Variants in SLC10A7 observed in about 807,000 individuals in gnomAD.
The protein encoded by SLC10A7 is solute carrier family 10 member 7.
Under a neutral mutation model 43.2 loss-of-function variants are expected in SLC10A7, and 29 were observed. That is an observed-to-expected ratio of 0.67 (90% CI 0.50 to 0.92). SLC10A7 has a LOEUF of 0.92. Among genes scored for constraint, SLC10A7 ranks in the 40% least tolerant of loss-of-function variants. The pLI, the probability that SLC10A7 is intolerant of heterozygous loss-of-function variation, is 0.00. For synonymous variants in SLC10A7, 152 were observed against 144.8 expected (o/e 1.05, Z -0.35); for missense variants, 295 against 403.2 (o/e 0.73, Z 2.30).
chr4:146,444,328 A>G lies in SLC10A7; in HGVS notation c.397-1507T>C, dbSNP rs201307052. ...TAAAGGAAGGAGGTCTTCCCCTTTG[A>G]GCCTGTCTCTTCTGAATTCATTTCT... On this transcript the variant is annotated intron_variant, in intron 4 of 11. Coordinates refer to ENST00000335472, the MANE Select transcript of SLC10A7 (RefSeq NM_001029998.6). Among the ~76,000 whole-genome samples the G allele has an allele frequency of 1.4e-4, 21 of 152,264 alleles. No homozygotes were observed. In the East Asian group the frequency reaches 3.3e-3, roughly 24 times the overall value.
intron 5 of SLC10A7, among the ~76,000 whole-genome samples, chr4:146,434,945 G>A (rs1730095687): frequency 6.6e-6 from 1 of 152,038 alleles, no homozygotes; most frequent in African/African-American, 2.4e-5. Context: ...GGATGTCTGT[G>A]GAATCACACT....
At chr4:146,439,496 C>A (rs1730442536) in intron 5 of SLC10A7, among the ~76,000 whole-genome samples, 1 of 151,984 alleles carries the variant, frequency 6.6e-6, no homozygotes, top group South Asian at 2.1e-4. Flanking sequence ...AGAGAATAAT[C>A]ATTGGATCAG....
At position 146,495,766 on chromosome 4, in the gene SLC10A7, AACACACACACACAC is replaced by A. The variant is rs57202992; in HGVS notation, c.396+8069_396+8082del. Among the ~76,000 whole-genome samples, 187 of 139,626 alleles carry A rather than the reference AACACACACACACAC, an allele frequency of 1.3e-3. 1 individual carries two copies. The highest frequency in any genetic ancestry group is 7.1e-3 in the Middle Eastern group (2 of 280). The allele number at this position is 139,626 out of a possible 152,430, so 91.6% of individuals were successfully genotyped here. On this transcript the variant is annotated intron_variant, in intron 4 of 11. Coordinates refer to ENST00000335472, the MANE Select transcript of SLC10A7 (RefSeq NM_001029998.6). ...AGCACCAGCCCCGTTGATGAAAGTAAACACACACACACACACACACACACACACACACACACACA... is the reference window on the plus strand; with the variant it reads ...AGCACCAGCCCCGTTGATGAAAGTAAACACACACACACACACACACACACA...
chr4:146,256,876 G>A, intron 11 of SLC10A7: 1 of 1,536,354 alleles, frequency 6.5e-7, no homozygotes, highest in Non-Finnish European at 8.7e-7. Context: ...TTGATGGATA[G>A]ATATTCCAAG....
At chr4:146,395,431 TC>T (rs1738755034) in intron 5 of SLC10A7, among the ~76,000 whole-genome samples, 2 of 152,158 alleles carry the variant, frequency 1.3e-5, no homozygotes, top group Non-Finnish European at 1.5e-5. Context: ...GTTGCTACTA[TC>T]TTGTATTTCA....
At chr4:146,515,867 G>A (rs761201704) in intron 2 of SLC10A7, among the ~76,000 whole-genome samples, 6 of 128,016 alleles carry the variant, frequency 4.7e-5, no homozygotes, top group South Asian at 2.5e-4. Context: ...CCGTGATCAC[G>A]CTACTGCCCT....
At chr4:146,500,483 C>T (rs892736984) in intron 4 of SLC10A7, among the ~76,000 whole-genome samples, 1 of 152,188 alleles carries the variant, frequency 6.6e-6, no homozygotes, top group Admixed American at 6.5e-5. Flanking sequence ...TCCATATCCA[C>T]ACACTCTGCC....
chr4:146,480,599 C>A (rs1253032785), intron 4 of SLC10A7, among the ~76,000 whole-genome samples: 1 of 151,974 alleles, frequency 6.6e-6, no homozygotes, highest in East Asian at 1.9e-4. Context: ...AAAATGAAGG[C>A]TGGTATATAA....
intron 10 of SLC10A7, among the ~76,000 whole-genome samples, chr4:146,280,454 A>G (rs1729477207): frequency 6.6e-6 from 1 of 152,204 alleles, no homozygotes; most frequent in African/African-American, 2.4e-5. Flanking sequence ...ATCAAGCAGT[A>G]TGTGAGAAAT....
chr4:146,297,685 G>C (rs1705928003), intron 7 of SLC10A7, among the ~76,000 whole-genome samples: 1 of 152,008 alleles, frequency 6.6e-6, no homozygotes. Flanking sequence ...GTTTCATAAA[G>C]TTTTGTTTCT....
chr4:146,263,843 C>A (rs758964137), intron 10 of SLC10A7, among the ~76,000 whole-genome samples: 1 of 152,192 alleles, frequency 6.6e-6, no homozygotes, highest in Admixed American at 6.5e-5. Flanking sequence ...TAAATGGATT[C>A]TTTTTCTGAC....
At chr4:146,290,070 A>G (rs1320844100) in intron 9 of SLC10A7, among the ~76,000 whole-genome samples, 1 of 147,948 alleles carries the variant, frequency 6.8e-6, no homozygotes, top group African/African-American at 2.5e-5. Context: ...CACGCCTGTA[A>G]TCCCAGCACT....
chr4:146,259,240 T>G (rs1728068713), intron 10 of SLC10A7, among the ~76,000 whole-genome samples: 1 of 152,220 alleles, frequency 6.6e-6, no homozygotes, highest in Non-Finnish European at 1.5e-5. Context: ...GGAGGCCTGC[T>G]TGGCACCAGT....
intron 5 of SLC10A7, among the ~76,000 whole-genome samples, chr4:146,340,292 A>C (rs1006520222): frequency 2.0e-5 from 3 of 151,862 alleles, no homozygotes; most frequent in African/African-American, 7.3e-5. Context: ...CTGTCTTATC[A>C]GTTTATAAGA....
In SLC10A7 at chr4:146,292,932, G is replaced by T. The variant is rs377005227; in HGVS notation, c.770C>A (p.Thr257Lys). 1 of 1,586,384 alleles carries T rather than the reference G, an allele frequency of 6.3e-7. No homozygotes were observed. ...CAAGAGATACCAAATCACTTACCTT[G>T]TTGAAAAGATGAAAGTTAAAAGCAT... is the stretch of plus-strand genomic sequence containing the variant. The part of the protein sequence containing the change: ...SFMLLTFIFS[T>K]RNNSGFTPAD... The change falls in exon 9 of 12, where the codon ACA (threonine) becomes AAA (lysine). Residue 257 changes from threonine to lysine, a missense_variant. This residue lies in a region of SLC10A7 where 242 missense variants were observed against 362.5 expected (regional missense o/e 0.67). Transcript: ENST00000335472.
intron 4 of SLC10A7, among the ~76,000 whole-genome samples, chr4:146,474,512 C>T (rs1002934285): frequency 1.3e-5 from 2 of 152,004 alleles, no homozygotes; most frequent in African/African-American, 2.4e-5. Context: ...CATTTCCACT[C>T]TAGGGTAAAC....
chr4:146,507,635 C>T (rs772818322), intron 3 of SLC10A7, among the ~76,000 whole-genome samples: 1 of 152,164 alleles, frequency 6.6e-6, no homozygotes, highest in African/African-American at 2.4e-5. Context: ...ATGACTACTG[C>T]CACCATCATC....
intron 8 of SLC10A7, 45 bp from the exon 9 acceptor site, chr4:146,293,025 T>C: frequency 8.0e-7 from 1 of 1,251,930 alleles, no homozygotes. Flanking sequence ...CTAAAAGCAG[T>C]ATTTGTAGCA....
intron 5 of SLC10A7, among the ~76,000 whole-genome samples, chr4:146,365,632 T>C (rs1476964610): frequency 6.6e-6 from 1 of 152,250 alleles, no homozygotes; most frequent in Non-Finnish European, 1.5e-5. Flanking sequence ...ACTTGAAAGT[T>C]CTGCTTAGGC....
Sources: gnomAD v4.1 joint callset for allele counts (sites outside exome capture counted in the v4.1 genomes callset) on GRCh38, gnomAD v4.1.1 for gene constraint, gnomAD v4.1.1 regional missense constraint, MANE v1.5 for transcripts, NCBI Gene and HGNC (gene_info 2026-07-23, HGNC 2026-07-21) for gene names.